PCDHA10: variants seen among roughly 807,000 people sequenced by gnomAD.
The protein encoded by PCDHA10 is protocadherin alpha-10.
Under a neutral mutation model 61.2 loss-of-function variants are expected in PCDHA10, and 45 were observed. The ratio of observed to expected loss-of-function variants is 0.74; its 90% CI spans 0.58 to 0.94. The LOEUF is 0.94. Among genes scored for constraint, PCDHA10 ranks in the 40% least tolerant of loss-of-function variants. The probability of loss-of-function intolerance (pLI) is 0.00; values close to 1 mark genes in which losing one functional copy is unlikely to be tolerated. For synonymous variants in PCDHA10, 602 were observed against 548.8 expected (o/e 1.10, Z -1.35); for missense variants, 1,278 against 1,236.2 (o/e 1.03, Z -0.51).
chr5:140,969,348 G>A, intron 1 of PCDHA10: 5 of 1,613,304 alleles, frequency 3.1e-6, no homozygotes, highest in Non-Finnish European at 4.2e-6. Flanking sequence ...CAGTGGTCAG[G>A]GGGTCTTCTA....
At chr5:140,944,629 A>G (rs1371756120) in intron 1 of PCDHA10, among the ~76,000 whole-genome samples, 3 of 152,172 alleles carry the variant, frequency 2.0e-5, no homozygotes, top group African/African-American at 7.2e-5. Context: ...ATAGTGTTGT[A>G]AGCCAGTGTG....
chr5:141,009,825 T>A lies in PCDHA10; in HGVS notation c.2735T>A (p.Ile912Lys). ...AGCCAAATTGACAAAAGTGACTTCA[T>A]AACCTTCGGCAAAAAGGAGGAGACC... ...TNSQIDKSDF[I>K]TFGKKEETKK... is the part of the protein sequence containing the mutation. The change falls in exon 4 of 4, where the codon ATA (isoleucine) becomes AAA (lysine). Residue 912 changes from isoleucine to lysine, a missense_variant. Physicochemically the swap from Ile to Lys is moderately radical, Grantham distance 102. Coordinates refer to ENST00000307360, the MANE Select transcript of PCDHA10 (RefSeq NM_018901.4). 2 of 1,613,774 alleles carry A rather than the reference T, an allele frequency of 1.2e-6. No homozygotes were observed.
intron 1 of PCDHA10, among the ~76,000 whole-genome samples, chr5:140,962,930 C>T (rs2095720492): frequency 6.6e-6 from 1 of 152,144 alleles, no homozygotes; most frequent in Admixed American, 6.5e-5. Context: ...TACTTCTCAA[C>T]CTCCTCTCCA....
At chr5:140,863,021 T>A (rs1228071790) in intron 1 of PCDHA10, 1 of 554,192 alleles carries the variant, frequency 1.8e-6, no homozygotes, top group Non-Finnish European at 3.5e-6. Flanking sequence ...CGCCTGGTTG[T>A]CGCAACAGCT....
At chr5:140,870,941 C>A in intron 1 of PCDHA10, 1 of 1,613,712 alleles carries the variant, frequency 6.2e-7, no homozygotes, top group Non-Finnish European at 8.5e-7. Context: ...TTGCAGCCGG[C>A]GGCGGGCGGC....
intron 1 of PCDHA10, among the ~76,000 whole-genome samples, chr5:140,950,405 T>G (rs1258791881): frequency 3.3e-5 from 5 of 152,042 alleles, no homozygotes; most frequent in African/African-American, 1.2e-4. Flanking sequence ...TCTGGGGGAT[T>G]GACAGATTTT....
intron 2 of PCDHA10, 71 bp downstream of exon 2, chr5:140,979,078 A>C (rs2240296): frequency 3.8e-6 from 6 of 1,583,342 alleles, no homozygotes; most frequent in South Asian, 1.1e-5. Flanking sequence ...CTGCATCTCC[A>C]TAGGCCAGAA....
intron 1 of PCDHA10, chr5:140,875,462 C>T (rs1333440854): frequency 6.3e-7 from 1 of 1,598,882 alleles, no homozygotes; most frequent in Non-Finnish European, 8.5e-7. Flanking sequence ...CAGAGGCCCT[C>T]ATTTTCTGCA....
At chr5:140,878,693 C>A (rs932928385) in intron 1 of PCDHA10, among the ~76,000 whole-genome samples, 6 of 152,254 alleles carry the variant, frequency 3.9e-5, no homozygotes, top group South Asian at 2.1e-4. Flanking sequence ...TCTTACATAC[C>A]CCAGCCTGGT....
intron 1 of PCDHA10, among the ~76,000 whole-genome samples, chr5:140,963,448 A>G (rs567394961): frequency 1.3e-5 from 2 of 152,370 alleles, no homozygotes; most frequent in Non-Finnish European, 2.9e-5. Flanking sequence ...CTCTGTTGCT[A>G]AAGTATTTCT....
chr5:140,895,920 C>T (rs1347672044), intron 1 of PCDHA10, among the ~76,000 whole-genome samples: 1 of 152,202 alleles, frequency 6.6e-6, no homozygotes, highest in African/African-American at 2.4e-5. Flanking sequence ...CAACAATTAT[C>T]CTGCCTCAGC....
At chr5:140,905,408 C>G (rs1374273315) in intron 1 of PCDHA10, among the ~76,000 whole-genome samples, 1 of 152,142 alleles carries the variant, frequency 6.6e-6, no homozygotes, top group Non-Finnish European at 1.5e-5. Flanking sequence ...TATTTTTATA[C>G]CAGTACCATG....
chr5:140,902,140 G>A (rs1156661388), intron 1 of PCDHA10, among the ~76,000 whole-genome samples: 2 of 151,048 alleles, frequency 1.3e-5, no homozygotes, highest in African/African-American at 4.9e-5. Context: ...CTGCAAACAA[G>A]GATAATTTGA....
intron 1 of PCDHA10, among the ~76,000 whole-genome samples, chr5:140,894,823 A>G (rs933081275): frequency 2.0e-5 from 3 of 152,080 alleles, no homozygotes; most frequent in Non-Finnish European, 2.9e-5. Context: ...AGATTTGCCC[A>G]TAATCCTTTT....
chr5:140,887,670 C>A (rs368430565), intron 1 of PCDHA10, among the ~76,000 whole-genome samples: 2 of 151,988 alleles, frequency 1.3e-5, no homozygotes, highest in Non-Finnish European at 2.9e-5. Flanking sequence ...GTGGATTTAT[C>A]ATTTTCATCA....
chr5:140,882,198 G>A lies in PCDHA10; in HGVS notation c.2388+23762G>A, dbSNP rs964999330. ...CCGCACTAGGAAGCCATAAAAATTG[G>A]GCCTTGAGAGACAGTTTGAGGTAAG... On this transcript the variant is annotated intron_variant, in intron 1 of 3. Coordinates refer to ENST00000307360, the MANE Select transcript of PCDHA10 (RefSeq NM_018901.4). The A allele has an allele frequency of 8.5e-6, 13 of 1,525,466 alleles. 1 individual carries two copies. In the East Asian group the frequency reaches 2.5e-4, roughly 29 times the overall value. The allele number at this position is 1,525,466 out of a possible 1,614,324, so 94.5% of individuals were successfully genotyped here.
Position 140,941,322 on chromosome 5 carries a change from T to C in PCDHA10, c.2389-37627T>C, listed in dbSNP as rs1340835610. Among the ~76,000 whole-genome samples the C allele has an allele frequency of 3.4e-5, 5 of 145,550 alleles. No individual in the cohort carries two copies. The East Asian group carries it at 6.0e-4, about 17-fold the overall frequency. The stretch of plus-strand genomic sequence containing the variant: ...TTTCTTTCTTTTTCTTCTTTCTCTT[T>C]TTTTTTTTTTTTCAGATGGAGTCTT... On this transcript the variant is annotated intron_variant, in intron 1 of 3. Coordinates refer to ENST00000307360, the MANE Select transcript of PCDHA10 (RefSeq NM_018901.4).
intron 1 of PCDHA10, among the ~76,000 whole-genome samples, chr5:140,973,587 C>T (rs2096594455): frequency 6.6e-6 from 1 of 152,194 alleles, no homozygotes; most frequent in African/African-American, 2.4e-5. Flanking sequence ...ACTGCTGAGC[C>T]AGATGGAATT....
intron 3 of PCDHA10, among the ~76,000 whole-genome samples, chr5:141,000,713 C>G (rs570396356): frequency 6.6e-6 from 1 of 151,652 alleles, no homozygotes; most frequent in Non-Finnish European, 1.5e-5. Context: ...CAGGCATGAG[C>G]CACTGTGCCT....
Sources: gnomAD v4.1 joint callset for allele counts (sites outside exome capture counted in the v4.1 genomes callset) on GRCh38, gnomAD v4.1.1 for gene constraint, MANE v1.5 for transcripts, NCBI Gene and HGNC (gene_info 2026-07-23, HGNC 2026-07-21) for gene names.